The following VPS54 variants were observed in gnomAD, a reference collection of about 807,000 sequenced individuals.
VPS54 encodes the protein VPS54 subunit of GARP complex.
Under a neutral mutation model 121.5 loss-of-function variants are expected in VPS54, and 45 were observed. The observed-to-expected ratio is 0.37, with a 90% CI of 0.29 to 0.47. VPS54 has a LOEUF of 0.47. VPS54 is among the 20% of genes least tolerant of loss of function. VPS54 has a pLI of 0.99. For missense variants in VPS54, 1,090 were observed against 1,131.4 expected (o/e 0.96, Z 0.52); for synonymous variants, 371 against 385.8 (o/e 0.96, Z 0.45).
chr2:63,948,926 T>G, intron 8 of VPS54, 111 bp downstream of exon 8: 2 of 1,347,664 alleles, frequency 1.5e-6, no homozygotes, highest in Non-Finnish European at 1.0e-6. Flanking sequence ...ATAGGTCTGA[T>G]AGCCCTTGAA....
chr2:63,927,142 G>A (rs1673943896), intron 12 of VPS54, among the ~76,000 whole-genome samples: 1 of 152,164 alleles, frequency 6.6e-6, no homozygotes, highest in Non-Finnish European at 1.5e-5. Context: ...TGAGAGCTCT[G>A]AAGAGAGCTG....
At chr2:63,911,548 T>C (rs1673150272) in intron 20 of VPS54, among the ~76,000 whole-genome samples, 1 of 152,224 alleles carries the variant, frequency 6.6e-6, no homozygotes, top group Non-Finnish European at 1.5e-5. Context: ...AGATGACTTG[T>C]GATATCATTA....
At chr2:63,920,395 C>A in intron 14 of VPS54, 51 bp downstream of exon 14, 1 of 1,376,372 alleles carries the variant, frequency 7.3e-7, no homozygotes, top group Non-Finnish European at 9.4e-7. Context: ...AACTGTGTTT[C>A]ACAAAGAAAA....
chr2:63,912,643 A>C lies in VPS54; in HGVS notation c.2441T>G (p.Leu814Trp), dbSNP rs1483443386. 1 of 1,576,000 alleles carries C rather than the reference A, an allele frequency of 6.3e-7. No individual in the cohort carries two copies. The highest frequency in any genetic ancestry group is 8.5e-7 in the Non-Finnish European group (1 of 1,170,594). The change falls in exon 19 of 23, where the codon TTG (leucine) becomes TGG (tryptophan). Residue 814 changes from leucine (L) to tryptophan (W), a missense_variant. By Grantham distance (61) the Leu-to-Trp change is moderately conservative (BLOSUM62 -2). Around this residue, in one of 2 missense-constraint regions of VPS54, gnomAD observed 289 missense variants for 374.4 expected, o/e 0.77. Transcript: ENST00000272322. ...TKNLALSSRC[L>W]QLIVHYIPVI... ...AGGAATGTAGTGCACAATTAACTGCAAACATCGTGAAGAAAGAGCTGAAGA... is the reference window on the plus strand; with the variant it reads ...AGGAATGTAGTGCACAATTAACTGCCAACATCGTGAAGAAAGAGCTGAAGA...
chr2:63,962,868 T>A (rs775314437), intron 6 of VPS54, among the ~76,000 whole-genome samples: 2 of 152,166 alleles, frequency 1.3e-5, no homozygotes, highest in Non-Finnish European at 2.9e-5. Context: ...TTTATTGACC[T>A]CCTCCTATGG....
chr2:63,988,772 A>G (rs893039265), intron 1 of VPS54, among the ~76,000 whole-genome samples: 1 of 152,146 alleles, frequency 6.6e-6, no homozygotes, highest in Non-Finnish European at 1.5e-5. Context: ...TAAAGCATGT[A>G]TGTTTGAACA....
At chr2:63,960,418 A>T (rs959656789) in intron 7 of VPS54, among the ~76,000 whole-genome samples, 1 of 152,086 alleles carries the variant, frequency 6.6e-6, no homozygotes, top group African/African-American at 2.4e-5. Context: ...AACTACTGAG[A>T]ATAAATAAAT....
chr2:63,893,330 T>G lies in VPS54; in HGVS notation c.*100A>C. 9.6e-7 allele frequency: 1 copy of G among 1,037,874 alleles called. No individual in the cohort carries two copies. The highest frequency in any genetic ancestry group is 1.3e-5 in the South Asian group (1 of 79,508). The allele number at this position is 1,037,874 out of a possible 1,614,324, so 64.3% of individuals were successfully genotyped here. A position where few individuals can be genotyped will look rare whatever the true frequency, so the allele number is the denominator to read the frequency against. On this transcript the variant is annotated 3_prime_UTR_variant, in exon 23 of 23. Transcript: ENST00000272322. Reference sequence around the variant, plus strand: ...TTCCCTTCCCCCACCCCAGTTCACTTTGGGTTTCAGGTTCAATTCTCGAAT... The same window carrying G: ...TTCCCTTCCCCCACCCCAGTTCACTGTGGGTTTCAGGTTCAATTCTCGAAT...
chr2:63,913,547 A>G (rs1007411332), intron 17 of VPS54, among the ~76,000 whole-genome samples: 2 of 152,210 alleles, frequency 1.3e-5, no homozygotes, highest in Non-Finnish European at 2.9e-5. Flanking sequence ...ATCAGTTCGC[A>G]GAAATTAATC....
At position 63,947,472 on chromosome 2, in the gene VPS54, C is replaced by T. The variant is rs1220909184; in HGVS notation, c.1156G>A (p.Val386Ile). The T allele has an allele frequency of 9.2e-6, 14 of 1,524,126 alleles. No individual in the cohort carries two copies. The Admixed American group carries it at 1.7e-4, about 19-fold the overall frequency. 94.4% of individuals were successfully genotyped at this position (1,524,126 alleles called of 1,614,324 possible). The change falls in exon 9 of 23, where the codon GTA (valine) becomes ATA (isoleucine). Residue 386 changes from valine (V) to isoleucine (I), a missense_variant. Transcript: ENST00000272322. ...TTTCTTTGTTTTAAAAGTCCAAATA[C>T]AAGAGATATTAGTCTTTCCTGTTAA... is the stretch of plus-strand genomic sequence containing the variant. ...VLEEERLISL[V>I]FGLLKQRKLN...
intron 20 of VPS54, among the ~76,000 whole-genome samples, chr2:63,909,001 T>C (rs566946731): frequency 6.6e-6 from 1 of 152,300 alleles, no homozygotes; most frequent in East Asian, 1.9e-4. Context: ...AGAGATCTGT[T>C]CTCCTCAACT....
chr2:63,925,810 T>C (rs533154121), intron 12 of VPS54, among the ~76,000 whole-genome samples: 2 of 152,348 alleles, frequency 1.3e-5, no homozygotes, highest in East Asian at 1.9e-4. Flanking sequence ...TGGTTTCCTA[T>C]GGGAAGGAGT....
chr2:63,945,515 C>G (rs1187226423), intron 9 of VPS54, among the ~76,000 whole-genome samples: 2 of 152,062 alleles, frequency 1.3e-5, no homozygotes, highest in Admixed American at 6.6e-5. Context: ...ACATAATAAA[C>G]CTGCACATGA....
At chr2:63,925,606 G>C (rs1673861042) in intron 12 of VPS54, among the ~76,000 whole-genome samples, 1 of 152,102 alleles carries the variant, frequency 6.6e-6, no homozygotes, top group African/African-American at 2.4e-5. Context: ...CTTATCAAAA[G>C]TAAAATACAT....
At chr2:63,948,944 A>G (rs1281013099) in intron 8 of VPS54, 93 bp downstream of exon 8, 1 of 1,485,814 alleles carries the variant, frequency 6.7e-7, no homozygotes, top group Non-Finnish European at 9.0e-7. Context: ...GAAATTTAAG[A>G]TAATTTTGAT....
intron 19 of VPS54, 42 bp from the exon 20 acceptor site, chr2:63,912,467 C>A (rs1673190512): frequency 1.2e-6 from 2 of 1,608,814 alleles, no homozygotes; most frequent in Middle Eastern, 1.7e-4. Flanking sequence ...GTCCCTGGGA[C>A]ACATTTTTAA....
chr2:64,013,365 A>C (rs1469178833), intron 1 of VPS54, among the ~76,000 whole-genome samples: 2 of 152,084 alleles, frequency 1.3e-5, no homozygotes, highest in Non-Finnish European at 2.9e-5. Context: ...TAAAGAAGAG[A>C]GGAAGGCGGT....
At chr2:63,920,423 C>A (rs759726262) in intron 14 of VPS54, 23 bp downstream of exon 14, 1 of 1,447,122 alleles carries the variant, frequency 6.9e-7, no homozygotes, top group East Asian at 2.6e-5. Flanking sequence ...AATCAAACAA[C>A]AGAATGGACA....
At chr2:64,005,328 C>G (rs1267846801) in intron 1 of VPS54, among the ~76,000 whole-genome samples, 1 of 151,490 alleles carries the variant, frequency 6.6e-6, no homozygotes, top group Non-Finnish European at 1.5e-5. Flanking sequence ...TGGTCTCGAT[C>G]TCCTGACCTT....
Sources: gnomAD v4.1 joint callset for allele counts (sites outside exome capture counted in the v4.1 genomes callset) on GRCh38, gnomAD v4.1.1 for gene constraint, gnomAD v4.1.1 regional missense constraint, MANE v1.5 for transcripts, NCBI Gene and HGNC (gene_info 2026-07-23, HGNC 2026-07-21) for gene names.